The following VPS13B variants were observed in gnomAD, a reference collection of about 807,000 sequenced individuals.
VPS13B encodes vacuolar protein sorting 13 homolog B.
In VPS13B, 285 loss-of-function variants were observed where a neutral mutation model predicts 426.4. The ratio of observed to expected loss-of-function variants is 0.67; its 90% confidence interval spans 0.61 to 0.74. VPS13B has a LOEUF of 0.74. Among genes scored for constraint, VPS13B ranks in the 30% least tolerant of loss-of-function variants. VPS13B has a pLI of 0.00. For synonymous variants in VPS13B, 1,676 were observed against 1,676.4 expected (o/e 1.00, Z 0.01); for missense variants, 4,537 against 4,782.6 (o/e 0.95, Z 1.51).
At chr8:99,221,101 C>G (rs1815694170) in intron 17 of VPS13B, among the ~76,000 whole-genome samples, 1 of 118,510 alleles carries the variant, frequency 8.4e-6, no homozygotes, top group Non-Finnish European at 1.7e-5. Flanking sequence ...ATCCATGTCC[C>G]TACAAAGGAT....
At chr8:99,800,493 A>G (rs1255285339) in intron 43 of VPS13B, among the ~76,000 whole-genome samples, 1 of 152,184 alleles carries the variant, frequency 6.6e-6, no homozygotes, top group Non-Finnish European at 1.5e-5. Flanking sequence ...AATGGTCAAA[A>G]AAAGTTATGC....
intron 13 of VPS13B, 53 bp downstream of exon 13, chr8:99,143,218 A>C (rs1810526889): frequency 1.2e-6 from 2 of 1,607,826 alleles, no homozygotes; most frequent in Admixed American, 1.7e-5. Flanking sequence ...GAGAATAATT[A>C]TATAATCCAA....
At chr8:99,271,815 G>A (rs1362508354) in intron 17 of VPS13B, among the ~76,000 whole-genome samples, 3 of 152,196 alleles carry the variant, frequency 2.0e-5, no homozygotes, top group African/African-American at 4.8e-5. Flanking sequence ...CATGAGAACA[G>A]CATGAGGGAA....
intron 12 of VPS13B, among the ~76,000 whole-genome samples, chr8:99,137,522 A>T (rs1476091558): frequency 1.3e-5 from 2 of 151,802 alleles, no homozygotes; most frequent in African/African-American, 4.8e-5. Context: ...AGAGAACTAG[A>T]AGTGTGGGTA....
intron 51 of VPS13B, among the ~76,000 whole-genome samples, chr8:99,826,075 A>C (rs866316616): frequency 1.3e-5 from 2 of 152,146 alleles, no homozygotes. Flanking sequence ...TTCTACATGA[A>C]GTTTAAAGTA....
At chr8:99,017,282 A>G (rs1411530301) in intron 2 of VPS13B, among the ~76,000 whole-genome samples, 1 of 152,166 alleles carries the variant, frequency 6.6e-6, no homozygotes, top group East Asian at 1.9e-4. Flanking sequence ...TTTGCTGTAA[A>G]TCAGGTTGCC....
At chr8:99,405,973 T>A (rs1044165112) in intron 21 of VPS13B, among the ~76,000 whole-genome samples, 4 of 151,974 alleles carry the variant, frequency 2.6e-5, no homozygotes, top group African/African-American at 9.7e-5. Flanking sequence ...AGAGATGGTG[T>A]TTCACCATAT....
intron 15 of VPS13B, among the ~76,000 whole-genome samples, chr8:99,157,250 TTG>T (rs1183318233): frequency 1.3e-5 from 2 of 151,782 alleles, no homozygotes; most frequent in Non-Finnish European, 2.9e-5. Context: ...TTCATAGTAA[TTG>T]TGTGTGTGTA....
rs900039675 is a variant in VPS13B, at chr8:99,608,161, T to A, written c.5220+30528T>A. Among the ~76,000 whole-genome samples, 223 of 151,950 alleles carry A rather than the reference T, an allele frequency of 1.5e-3. 8 individuals are homozygous for A. The highest frequency in any genetic ancestry group is 0.014 in the Admixed American group (215 of 15,254). On this transcript the variant is annotated intron_variant, in intron 33 of 61. Coordinates refer to ENST00000357162, the MANE Select transcript of VPS13B (RefSeq NM_152564.5). ...TATTTTTTAATCTACTTTTTTTTTT[T>A]TTTTTGAGACAGGGTTTCACTTTGT...
chr8:99,726,587 T>C (rs914712623), intron 39 of VPS13B, among the ~76,000 whole-genome samples: 3 of 152,172 alleles, frequency 2.0e-5, no homozygotes, highest in Non-Finnish European at 2.9e-5. Flanking sequence ...AATGAAGATA[T>C]CTAAAAGTTT....
intron 17 of VPS13B, among the ~76,000 whole-genome samples, chr8:99,252,000 TA>T (rs1817531699): frequency 6.6e-6 from 1 of 151,564 alleles, no homozygotes; most frequent in African/African-American, 2.4e-5. Context: ...TATTGATCTT[TA>T]AAAAACAAGT....
chr8:99,455,106 T>C (rs1425505961), intron 23 of VPS13B, among the ~76,000 whole-genome samples: 1 of 152,192 alleles, frequency 6.6e-6, no homozygotes, highest in Non-Finnish European at 1.5e-5. Context: ...TTTTTAATTT[T>C]AGTAAAGTCC....
At chr8:99,103,963 T>C (rs1351426614) in intron 5 of VPS13B, among the ~76,000 whole-genome samples, 1 of 152,204 alleles carries the variant, frequency 6.6e-6, no homozygotes, top group Non-Finnish European at 1.5e-5. Context: ...ACTTTTAATT[T>C]TCATTCTTTC....
intron 5 of VPS13B, 66 bp downstream of exon 5, chr8:99,103,186 C>A: frequency 1.3e-6 from 2 of 1,567,650 alleles, no homozygotes; most frequent in South Asian, 2.2e-5. Flanking sequence ...ACTCTTAACC[C>A]TTCTTTGGGC....
Position 99,875,587 on chromosome 8 carries a change from T to TTGA in VPS13B, c.11917_11919dup (p.Asp3973dup), listed in dbSNP as rs1554590552. On this transcript the variant is annotated inframe_insertion, in exon 62 of 62. Coordinates refer to ENST00000357162, the MANE Select transcript of VPS13B (RefSeq NM_152564.5). ...ACTGTTAAAACATACCATTACCTGGTTGATCCACATTTTGCTCAGGTCTTC... is the reference window on the plus strand; with the variant it reads ...ACTGTTAAAACATACCATTACCTGGTTGATGATCCACATTTTGCTCAGGTCTTC... 6.2e-7 allele frequency: 1 copy of TTGA among 1,614,214 alleles called. No individual in the cohort carries two copies. The highest frequency in any genetic ancestry group is 8.5e-7 in the Non-Finnish European group (1 of 1,180,034).
At chr8:99,695,602 G>C (rs1315287068) in intron 35 of VPS13B, among the ~76,000 whole-genome samples, 1 of 143,562 alleles carries the variant, frequency 7.0e-6, no homozygotes, top group Admixed American at 6.9e-5. Flanking sequence ...AATGCTAGAT[G>C]ACGAGTTAGT....
At chr8:99,171,942 G>A (rs1052016912) in intron 16 of VPS13B, among the ~76,000 whole-genome samples, 3 of 152,068 alleles carry the variant, frequency 2.0e-5, no homozygotes, top group Admixed American at 6.5e-5. Context: ...TCCCTGGGAC[G>A]TCAGAGATAG....
chr8:99,490,982 T>A (rs1233652706), intron 25 of VPS13B, among the ~76,000 whole-genome samples: 1 of 152,210 alleles, frequency 6.6e-6, no homozygotes, highest in African/African-American at 2.4e-5. Context: ...TCTAGTTCTT[T>A]TCATTTTGAT....
At chr8:99,665,181 T>TA (rs1394718495) in intron 35 of VPS13B, among the ~76,000 whole-genome samples, 2 of 152,232 alleles carry the variant, frequency 1.3e-5, no homozygotes, top group African/African-American at 2.4e-5. Context: ...TTTTTTCTTA[T>TA]AAATTTGTTT....
Sources: gnomAD v4.1 joint callset for allele counts (sites outside exome capture counted in the v4.1 genomes callset) on GRCh38, gnomAD v4.1.1 for gene constraint, MANE v1.5 for transcripts, NCBI Gene and HGNC (gene_info 2026-07-23, HGNC 2026-07-21) for gene names.